RMDN2: variants seen among roughly 807,000 people sequenced by gnomAD.
RMDN2 encodes regulator of microtubule dynamics protein 2.
Under a neutral mutation model 52.8 loss-of-function variants are expected in RMDN2, and 61 were observed. The ratio of observed to expected loss-of-function variants is 1.16; its 90% CI spans 0.94 to 1.43. The LOEUF (loss-of-function observed/expected upper bound fraction) is 1.43, where lower values mean the gene tolerates loss of function less well. Ranked by LOEUF, RMDN2 falls within the 40% of genes most tolerant of loss-of-function variation. The probability of loss-of-function intolerance (pLI) is 0.00; values close to 1 mark genes in which losing one functional copy is unlikely to be tolerated. For synonymous variants in RMDN2, 180 were observed against 153.1 expected, an observed-to-expected ratio of 1.18 and a Z score of -1.30; for missense variants, 592 against 475.3, an observed-to-expected ratio of 1.25 and a Z score of -2.28.
intron 10 of RMDN2, among the ~76,000 whole-genome samples, chr2:38,013,248 C>T (rs1678257205): frequency 6.6e-6 from 1 of 152,196 alleles, no homozygotes; most frequent in South Asian, 2.1e-4. Flanking sequence ...TATTAAAGTT[C>T]ATCAACGTGG....
chr2:37,934,008 A>C (rs894262533), intron 2 of RMDN2, among the ~76,000 whole-genome samples: 3 of 152,128 alleles, frequency 2.0e-5, no homozygotes, highest in Admixed American at 6.5e-5. Flanking sequence ...CCTCTTTCCC[A>C]TTTTTAAGGT....
At chr2:38,065,638 G>A (rs1019537520) in intron 10 of RMDN2, among the ~76,000 whole-genome samples, 1 of 152,178 alleles carries the variant, frequency 6.6e-6, no homozygotes, top group African/African-American at 2.4e-5. Flanking sequence ...TCTGAGAGAC[G>A]GAAGGGTTCT....
intron 2 of RMDN2, among the ~76,000 whole-genome samples, chr2:37,938,889 A>T (rs977884886): frequency 1.3e-5 from 2 of 152,048 alleles, no homozygotes; most frequent in Middle Eastern, 3.2e-3. Context: ...TTTGATCTCT[A>T]TCTCCTTCAG....
At chr2:37,924,892 T>G (rs1666146762), upstream of RMDN2, among the ~76,000 whole-genome samples, 1 of 152,264 alleles carries the variant, frequency 6.6e-6, no homozygotes, top group Non-Finnish European at 1.5e-5. Context: ...GCAAGGCGTC[T>G]GCCTTTAATT....
At chr2:37,927,416 G>A (rs1350398234) in intron 1 of RMDN2, among the ~76,000 whole-genome samples, 1 of 152,174 alleles carries the variant, frequency 6.6e-6, no homozygotes, top group Admixed American at 6.5e-5. Flanking sequence ...AGATGATTTG[G>A]AATTGGTGCA....
At chr2:37,931,212 C>A (rs552775414) in intron 2 of RMDN2, among the ~76,000 whole-genome samples, 1 of 152,198 alleles carries the variant, frequency 6.6e-6, no homozygotes, top group Non-Finnish European at 1.5e-5. Context: ...AGTCATTGTT[C>A]TAGTTCATTT....
intron 10 of RMDN2, chr2:38,012,481 G>T (rs1442899375): frequency 5.1e-6 from 2 of 390,406 alleles, no homozygotes; most frequent in Non-Finnish European, 1.0e-5. Flanking sequence ...AAAAATAATA[G>T]TGTCAATAGT....
intron 10 of RMDN2, among the ~76,000 whole-genome samples, chr2:38,043,153 C>T (rs774998739): frequency 6.6e-6 from 1 of 152,128 alleles, no homozygotes; most frequent in Non-Finnish European, 1.5e-5. Flanking sequence ...CTGTTTTCGC[C>T]TCACATATTT....
intron 10 of RMDN2, chr2:38,029,385 A>G (rs1034639596): frequency 3.3e-5 from 5 of 152,090 alleles, no homozygotes; most frequent in African/African-American, 1.2e-4. Context: ...AAACCTTCTG[A>G]TCCACATAGC....
At chr2:38,030,521 G>A (rs1360588835) in intron 10 of RMDN2, 1 of 152,114 alleles carries the variant, frequency 6.6e-6, no homozygotes, top group Admixed American at 6.5e-5. Flanking sequence ...GATGTTTATT[G>A]CTTTAGAGAT....
At chr2:38,011,680 T>C (rs1413270512) in intron 10 of RMDN2, among the ~76,000 whole-genome samples, 1 of 152,146 alleles carries the variant, frequency 6.6e-6, no homozygotes, top group East Asian at 1.9e-4. Context: ...TCATCAGTTA[T>C]GGAAATTTTC....
At chr2:37,924,154 A>G (rs963841116), upstream of RMDN2, among the ~76,000 whole-genome samples, 1 of 152,176 alleles carries the variant, frequency 6.6e-6, no homozygotes. Context: ...GAATCCCTGA[A>G]TCCCTATCCG....
intron 6 of RMDN2, among the ~76,000 whole-genome samples, chr2:37,990,905 C>T (rs1558519660): frequency 6.6e-6 from 1 of 152,188 alleles, no homozygotes; most frequent in Admixed American, 6.5e-5. Context: ...AAGCTCACCT[C>T]AGAATCAGTA....
upstream of RMDN2, among the ~76,000 whole-genome samples, chr2:37,924,467 C>T (rs1386654169): frequency 6.6e-6 from 1 of 152,206 alleles, no homozygotes; most frequent in Admixed American, 6.5e-5. Flanking sequence ...CGGGTTCAAA[C>T]GATTCTCCTG....
At chr2:38,015,825 C>T (rs1452338939) in intron 10 of RMDN2, among the ~76,000 whole-genome samples, 4 of 152,124 alleles carry the variant, frequency 2.6e-5, no homozygotes, top group Admixed American at 1.3e-4. Flanking sequence ...TCTGTTCCTC[C>T]ACAGCAGAAT....
At chr2:38,039,354 A>C (rs1465574127) in intron 10 of RMDN2, 1 of 152,164 alleles carries the variant, frequency 6.6e-6, no homozygotes, top group African/African-American at 2.4e-5. Flanking sequence ...CTCGGATGGA[A>C]GCCAACATAC....
chr2:37,974,040 G>T lies in RMDN2; in HGVS notation c.453G>T (p.Gly151=). ...TTGATGATTATTTCTGCGATTTTAG[G>T]TATATTACAGCTAATACTGACACAG... ...NSSEEAESEG[G]YITANTDTEE... Residue 151 remains glycine, a splice_region_variant and synonymous_variant, in exon 3 of 11, where the codon GGG becomes GGT. Transcript: ENST00000354545. The T allele has an allele frequency of 6.2e-7, 1 of 1,602,026 alleles. No homozygotes were observed. The highest frequency in any genetic ancestry group is 2.3e-5 in the East Asian group (1 of 44,014).
chr2:37,997,074 T>C (rs182783506), intron 7 of RMDN2, among the ~76,000 whole-genome samples: 35 of 152,264 alleles, frequency 2.3e-4, no homozygotes, highest in Admixed American at 2.3e-3. Flanking sequence ...CAGAATCAGA[T>C]GAACAAACGG....
At chr2:38,013,108 A>G (rs1196903289) in intron 10 of RMDN2, among the ~76,000 whole-genome samples, 2 of 152,246 alleles carry the variant, frequency 1.3e-5, no homozygotes, top group Non-Finnish European at 2.9e-5. Context: ...ACCCTAGGAA[A>G]GTAATCTCAG....
Sources: gnomAD v4.1 joint callset for allele counts (sites outside exome capture counted in the v4.1 genomes callset) on GRCh38, gnomAD v4.1.1 for gene constraint, MANE v1.5 for transcripts, NCBI Gene and HGNC (gene_info 2026-07-23, HGNC 2026-07-21) for gene names.